The following HDAC4 variants were observed in gnomAD, a reference collection of about 807,000 sequenced individuals.
The protein encoded by HDAC4 is histone deacetylase 4.
A neutral mutation model predicts 135.1 loss-of-function variants in HDAC4; 16 were observed. That is an observed-to-expected ratio of 0.12 (90% CI 0.08 to 0.18). The LOEUF is 0.18. Ranked by LOEUF, HDAC4 falls within the 10% of genes least tolerant of loss-of-function variation. The probability of loss-of-function intolerance (pLI) is 1.00; values close to 1 mark genes in which losing one functional copy is unlikely to be tolerated. For synonymous variants in HDAC4, 685 were observed against 653.4 expected (o/e 1.05, Z -0.74); for missense variants, 1,143 against 1,511.8 (o/e 0.76, Z 4.05).
intron 2 of HDAC4, among the ~76,000 whole-genome samples, chr2:239,281,020 A>G (rs567496965): frequency 7.6e-6 from 1 of 131,380 alleles, no homozygotes; most frequent in Admixed American, 7.2e-5. Flanking sequence ...CAATGTACAC[A>G]CCACTCTCAA....
At chr2:239,258,711 T>C (rs1559294370) in intron 2 of HDAC4, among the ~76,000 whole-genome samples, 1 of 152,196 alleles carries the variant, frequency 6.6e-6, no homozygotes, top group Non-Finnish European at 1.5e-5. Context: ...CACGTGTGGA[T>C]ATATGGAAAT....
chr2:239,209,049 GTAT>G (rs1182404308), intron 3 of HDAC4, among the ~76,000 whole-genome samples: 1 of 152,056 alleles, frequency 6.6e-6, no homozygotes, highest in Non-Finnish European at 1.5e-5. Flanking sequence ...GCTAGTTTAC[GTAT>G]TATTATTTTT....
At chr2:239,053,952 C>G (rs1294353590) in intron 25 of HDAC4, among the ~76,000 whole-genome samples, 1 of 152,030 alleles carries the variant, frequency 6.6e-6, no homozygotes, top group Non-Finnish European at 1.5e-5. Flanking sequence ...CTGGGTTGAG[C>G]CTTCCTATCT....
At chr2:239,128,298 T>C (rs1159484914) in intron 11 of HDAC4, among the ~76,000 whole-genome samples, 1 of 97,444 alleles carries the variant, frequency 1.0e-5, no homozygotes, top group Non-Finnish European at 2.5e-5. Flanking sequence ...ATCCTAGCAC[T>C]TTGAGAGGCC....
chr2:239,310,056 C>T (rs975862030), intron 2 of HDAC4, among the ~76,000 whole-genome samples: 4 of 152,206 alleles, frequency 2.6e-5, no homozygotes, highest in African/African-American at 9.6e-5. Flanking sequence ...AGTTAGGGAA[C>T]CCACTAAGGG....
At position 239,094,576 on chromosome 2, in the gene HDAC4, T is replaced by G. The variant is rs550026932; in HGVS notation, c.2280+434A>C. Reference sequence around the variant, plus strand: ...AGCGAGTAGCCCTACAGACTCCACGTGGCCCATGAGTATCACGGTCACTGC... The same window carrying G: ...AGCGAGTAGCCCTACAGACTCCACGGGGCCCATGAGTATCACGGTCACTGC... On this transcript the variant is annotated intron_variant, in intron 17 of 26. Coordinates refer to ENST00000543185, the MANE Select transcript of HDAC4 (RefSeq NM_001378414.1). 4.3e-5 allele frequency: 48 copies of G among 1,116,242 alleles called. 1 individual carries two copies. In the East Asian group the frequency reaches 2.9e-3, roughly 67 times the overall value. The allele number at this position is 1,116,242 out of a possible 1,614,324, so 69.1% of individuals were successfully genotyped here. A position where few individuals can be genotyped will look rare whatever the true frequency, so the allele number is the denominator to read the frequency against.
rs2052135120 is a variant in HDAC4 at position 239,299,716 on chromosome 2, C to T, written c.22+52962G>A. Among the ~76,000 whole-genome samples, 1 of 152,214 alleles carries T rather than the reference C, an allele frequency of 6.6e-6. No homozygotes were observed. The highest frequency in any genetic ancestry group is 2.1e-4 in the South Asian group (1 of 4,830). ...GGTCCTGCCCACCTGCACTGGTGGC[C>T]TCCCAGCAGCTCTCATAGACCCTGG... On this transcript the variant is annotated intron_variant, in intron 2 of 26. Coordinates refer to ENST00000543185, the MANE Select transcript of HDAC4 (RefSeq NM_001378414.1). The surrounding 1 kb of genome is among the most constrained non-coding windows in gnomAD (Gnocchi z 4.0).
intron 22 of HDAC4, among the ~76,000 whole-genome samples, chr2:239,072,990 C>T (rs935981040): frequency 3.9e-5 from 6 of 152,184 alleles, no homozygotes; most frequent in Non-Finnish European, 5.9e-5. Flanking sequence ...GCTGGGAGCA[C>T]GCGGTGCCTG....
In HDAC4 at chr2:239,141,152, G is replaced by T. The variant is rs952515994; in HGVS notation, c.866-1356C>A. Among the ~76,000 whole-genome samples the T allele has an allele frequency of 1.3e-5, 2 of 152,172 alleles. No individual in the cohort carries two copies. The highest frequency in any genetic ancestry group is 4.8e-5 in the African/African-American group (2 of 41,452). The stretch of plus-strand genomic sequence containing the variant: ...ACGTGGCTTGAGGGAACTGTCATGG[G>T]CGTCTGCATACCAGAGTTAACCCAG... On this transcript the variant is annotated intron_variant, in intron 8 of 26. Coordinates refer to ENST00000543185, the MANE Select transcript of HDAC4 (RefSeq NM_001378414.1). This position sits in a 1 kb window ranked among gnomAD's most constrained non-coding sequence, Gnocchi z 4.9.
In HDAC4 at chr2:239,198,842, G is replaced by A. The variant is rs115967508; in HGVS notation, c.95-8765C>T. On this transcript the variant is annotated intron_variant, in intron 3 of 26. Transcript: ENST00000543185. Reference sequence around the variant, plus strand: ...GCATGAAGAATAGTGTAATCAAGCCGATCTCAGGTCCTCTGCTCATCCACC... The same window carrying A: ...GCATGAAGAATAGTGTAATCAAGCCAATCTCAGGTCCTCTGCTCATCCACC... Among the ~76,000 whole-genome samples, 239 of 152,184 alleles carry A rather than the reference G, an allele frequency of 1.6e-3. 1 individual carries two copies. Among genetic ancestry groups the A allele is most frequent in the African/African-American group, 5.3e-3 (220 of 41,522 alleles).
chr2:239,221,560 G>C (rs779662308), intron 3 of HDAC4, among the ~76,000 whole-genome samples: 4 of 151,952 alleles, frequency 2.6e-5, no homozygotes, highest in Non-Finnish European at 5.9e-5. Context: ...GCAAGGCCTG[G>C]ACTCAACTGT....
intron 3 of HDAC4, among the ~76,000 whole-genome samples, chr2:239,212,079 T>G (rs904771614): frequency 1.7e-4 from 26 of 152,186 alleles, no homozygotes; most frequent in African/African-American, 6.3e-4. Flanking sequence ...GATGGGAAGG[T>G]TGGGAAAACG....
At chr2:239,155,292 G>A (rs1283763432) in intron 7 of HDAC4, among the ~76,000 whole-genome samples, 2 of 151,542 alleles carry the variant, frequency 1.3e-5, no homozygotes, top group African/African-American at 2.4e-5. Context: ...ACATGGGCCA[G>A]ACTGATATGA....
chr2:239,183,642 C>A (rs1343689089), intron 4 of HDAC4, among the ~76,000 whole-genome samples: 5 of 152,226 alleles, frequency 3.3e-5, no homozygotes, highest in Non-Finnish European at 1.5e-5. Context: ...GTCTTCCCGT[C>A]TATTCTTAAC....
rs531502012 is a variant in HDAC4 at position 239,395,697 on chromosome 2, G to A, written c.-220+5281C>T. Reference sequence around the variant, plus strand: ...TGGCCCGGGGACTGCTCCAGACCCCGCCTTTCCCTCTTACACTGCACACTT... The same window carrying A: ...TGGCCCGGGGACTGCTCCAGACCCCACCTTTCCCTCTTACACTGCACACTT... On this transcript the variant is annotated intron_variant, in intron 1 of 26. Coordinates refer to ENST00000543185, the MANE Select transcript of HDAC4 (RefSeq NM_001378414.1). Among the ~76,000 whole-genome samples the A allele has an allele frequency of 1.1e-4, 16 of 152,194 alleles. No homozygotes were observed. In the South Asian group the frequency reaches 3.1e-3, roughly 30 times the overall value.
At position 239,111,703 on chromosome 2, in the gene HDAC4, G is replaced by A. The variant is rs2152799851; in HGVS notation, c.1801C>T (p.Leu601=). 6.3e-7 allele frequency: 1 copy of A among 1,598,110 alleles called. No homozygotes were observed. Among genetic ancestry groups the A allele is most frequent in the Non-Finnish European group, 8.5e-7 (1 of 1,172,906 alleles). ...TGGTGGATCCGCTGCTGCTCCAGCA[G>A]GAGGGCTTGCTGCGGGGAAGAAACG... is the stretch of plus-strand genomic sequence containing the variant. ...QELLFRQQAL[L]LEQQRIHQLR... is the part of the protein sequence containing the mutation. Residue 601 remains leucine (L), a synonymous_variant, in exon 14 of 27, where the codon CTG becomes TTG. Transcript: ENST00000543185.
At chr2:239,340,664 T>C (rs1692242887) in intron 2 of HDAC4, among the ~76,000 whole-genome samples, 1 of 152,164 alleles carries the variant, frequency 6.6e-6, no homozygotes, top group Admixed American at 6.5e-5. Context: ...CTCACGTGTA[T>C]GTTTGTGTTC....
intron 2 of HDAC4, among the ~76,000 whole-genome samples, chr2:239,344,181 C>G (rs1256668689): frequency 6.6e-6 from 1 of 152,176 alleles, no homozygotes. Context: ...GCGACCTGCC[C>G]CCACTGCCGG....
chr2:239,054,634 A>C, intron 25 of HDAC4, 115 bp downstream of exon 25: 4 of 764,446 alleles, frequency 5.2e-6, no homozygotes, highest in Non-Finnish European at 9.6e-6. Flanking sequence ...GGCCTGGGGA[A>C]GCAGCCGGCA....
Sources: allele counts gnomAD v4.1 joint callset (sites outside exome capture counted in the v4.1 genomes callset), GRCh38; gene constraint gnomAD v4.1.1; non-coding constraint Gnocchi (gnomAD v3.1); transcripts MANE v1.5; gene names NCBI Gene and HGNC (gene_info 2026-07-23, HGNC 2026-07-21).